The following ZNF76 variants were observed in gnomAD, a reference collection of about 807,000 sequenced individuals.
The protein encoded by ZNF76 is zinc finger protein 76.
Under a neutral mutation model 66.9 loss-of-function variants are expected in ZNF76, and 66 were observed. The ratio of observed to expected loss-of-function variants is 0.99; its 90% CI spans 0.81 to 1.21. ZNF76 has a LOEUF of 1.21. Ranked by LOEUF, ZNF76 falls within the 50% of genes most tolerant of loss-of-function variation. ZNF76 has a pLI of 0.00. For synonymous variants in ZNF76, 275 were observed against 296.1 expected, an observed-to-expected ratio of 0.93 and a Z score of 0.73; for missense variants, 729 against 760.3, an observed-to-expected ratio of 0.96 and a Z score of 0.48.
intron 1 of ZNF76, among the ~76,000 whole-genome samples, chr6:35,268,533 G>C (rs1194257332): frequency 2.0e-5 from 3 of 152,172 alleles, no homozygotes; most frequent in Admixed American, 2.0e-4. Flanking sequence ...GCCGGGTGTA[G>C]TGGCTCACAC....
At chr6:35,288,205 G>A (rs1037435610) in intron 5 of ZNF76, 4 of 479,020 alleles carry the variant, frequency 8.4e-6, no homozygotes, top group Non-Finnish European at 1.7e-5. Context: ...CACTAGCTGG[G>A]AAAGCCCTGC....
intron 1 of ZNF76, among the ~76,000 whole-genome samples, chr6:35,264,177 G>A (rs986077818): frequency 6.6e-5 from 10 of 152,196 alleles, no homozygotes; most frequent in Non-Finnish European, 1.3e-4. Flanking sequence ...AGCAGTTCAT[G>A]TCTACATTCA....
At chr6:35,290,101 A>G (rs1041979306) in intron 5 of ZNF76, among the ~76,000 whole-genome samples, 165 bp from the exon 6 acceptor site, 24 of 152,128 alleles carry the variant, frequency 1.6e-4, no homozygotes, top group African/African-American at 5.8e-4. Flanking sequence ...CTTCTGTAGC[A>G]TGCCCCAGCA....
At chr6:35,291,891 C>A in intron 9 of ZNF76, 154 bp downstream of exon 9, 1 of 809,788 alleles carries the variant, frequency 1.2e-6, no homozygotes, top group Non-Finnish European at 2.0e-6. Flanking sequence ...CCCAGAACAA[C>A]TCTGCTTGCA....
At chr6:35,282,462 A>G (rs1788920702) in intron 2 of ZNF76, among the ~76,000 whole-genome samples, 1 of 152,222 alleles carries the variant, frequency 6.6e-6, no homozygotes. Flanking sequence ...AGGTACTTAA[A>G]ATCAAGGTAG....
chr6:35,294,418 A>C, intron 12 of ZNF76, 38 bp from the exon 13 acceptor site: 9 of 1,325,298 alleles, frequency 6.8e-6, no homozygotes, highest in Non-Finnish European at 8.7e-6. Context: ...GGGAGAGTAT[A>C]CTGCAGGTGG....
At chr6:35,274,239 C>A (rs768609570) in intron 1 of ZNF76, among the ~76,000 whole-genome samples, 2 of 152,202 alleles carry the variant, frequency 1.3e-5, no homozygotes, top group East Asian at 1.9e-4. Context: ...ATTGAACATT[C>A]TTTTCAGGCA....
rs891599466 is a variant in ZNF76, at chr6:35,294,528, G to T, written c.1567G>T (p.Ala523Ser). Reference sequence around the variant, plus strand: ...AGCATCTCTTCGTCATCAACAGGTGGCACTGTTGGCCACAGCCAACGGAAC... The same window carrying T: ...AGCATCTCTTCGTCATCAACAGGTGTCACTGTTGGCCACAGCCAACGGAAC... ...SVASLRHQQV[A>S]LLATANGTHI... Residue 523 changes from alanine (A) to serine (S), a missense_variant, in exon 13 of 14, where the codon GCA becomes TCA. Ala to Ser is a moderately conservative substitution (Grantham distance 99, BLOSUM62 1). Transcript: ENST00000373953. 1 of 1,614,058 alleles carries T rather than the reference G, an allele frequency of 6.2e-7. No individual in the cohort carries two copies. Among genetic ancestry groups the T allele is most frequent in the East Asian group, 2.2e-5 (1 of 44,882 alleles).
rs372862207 is a variant in ZNF76 at position 35,291,686 on chromosome 6, C to T, written c.880C>T (p.Arg294Cys). The T allele has an allele frequency of 1.9e-5, 30 of 1,613,162 alleles. No individual in the cohort carries two copies. Among genetic ancestry groups the T allele is most frequent in the South Asian group, 5.5e-5 (5 of 91,086 alleles). ...CACCTGCCCGGAGCCCCACTGTGGC[C>T]GCGGCTTCACCAGCGCCACCAACTA... ...PYTCPEPHCGRGFTSATNYKN... is the reference protein window; with the variant it reads ...PYTCPEPHCGCGFTSATNYKN... Residue 294 changes from arginine to cysteine, a missense_variant, in exon 9 of 14, where the codon CGC (arginine) becomes TGC (cysteine). By Grantham distance (180) the Arg-to-Cys change is radical. Transcript: ENST00000373953.
chr6:35,274,207 A>G (rs1487690080), intron 1 of ZNF76, among the ~76,000 whole-genome samples: 1 of 152,256 alleles, frequency 6.6e-6, no homozygotes, highest in Non-Finnish European at 1.5e-5. Context: ...AGATTAAGTC[A>G]TAATTATTTT....
intron 1 of ZNF76, among the ~76,000 whole-genome samples, chr6:35,275,558 A>G (rs1309049396): frequency 6.6e-6 from 1 of 152,084 alleles, no homozygotes; most frequent in African/African-American, 2.4e-5. Flanking sequence ...AAAAATGGCA[A>G]TCAGGGCACT....
At chr6:35,286,455 G>C in intron 4 of ZNF76, 56 bp downstream of exon 4, 11 of 1,546,182 alleles carry the variant, frequency 7.1e-6, no homozygotes, top group Non-Finnish European at 9.8e-6. Flanking sequence ...CTGGAGGATG[G>C]GGTGGCAGGA....
In ZNF76 at chr6:35,280,591, T is replaced by C. The variant is rs1428195457; in HGVS notation, c.-96-465T>C. ...GGGATAGGGGATACTGGAAGTACAA[T>C]AGTTCTGGAAGGTTGGGACACATTG... On this transcript the variant is annotated intron_variant, in intron 1 of 13. Coordinates refer to ENST00000373953, the MANE Select transcript of ZNF76 (RefSeq NM_003427.5). Among the ~76,000 whole-genome samples the C allele has an allele frequency of 5.8e-5, 7 of 121,608 alleles. No homozygotes were observed. The South Asian group carries it at 2.0e-3, about 35-fold the overall frequency. 79.8% of individuals were successfully genotyped at this position (121,608 alleles called of 152,430 possible). A position where few individuals can be genotyped will look rare whatever the true frequency, so the allele number is the denominator to read the frequency against.
chr6:35,294,671 CA>C (rs1333015557), intron 13 of ZNF76, 102 bp downstream of exon 13: 2 of 816,364 alleles, frequency 2.4e-6, no homozygotes, highest in Non-Finnish European at 4.2e-6. Context: ...GCATCTGACT[CA>C]AAAAGAGCCC....
Position 35,295,226 on chromosome 6 carries a change from C to T in ZNF76, c.1691C>T (p.Thr564Ile). 6.2e-7 allele frequency: 1 copy of T among 1,608,724 alleles called. No homozygotes were observed. The highest frequency in any genetic ancestry group is 8.5e-7 in the Non-Finnish European group (1 of 1,177,726). ...MQQGAVTLET[T>I]VSESGC is the part of the protein sequence containing the mutation. Reference sequence around the variant, plus strand: ...CAAGGGGCTGTGACCCTGGAGACAACAGTGTCGGAGAGTGGCTGCTGAGTC... The same window carrying T: ...CAAGGGGCTGTGACCCTGGAGACAATAGTGTCGGAGAGTGGCTGCTGAGTC... Residue 564 changes from threonine to isoleucine, a missense_variant, in exon 14 of 14, where the codon ACA becomes ATA. Coordinates refer to ENST00000373953, the MANE Select transcript of ZNF76 (RefSeq NM_003427.5).
Position 35,294,623 on chromosome 6 carries a change from G to A in ZNF76, c.1608+54G>A, listed in dbSNP as rs1466323582. 1.5e-5 allele frequency: 18 copies of A among 1,216,606 alleles called. No individual in the cohort carries two copies. The Admixed American group carries it at 3.1e-4, about 21-fold the overall frequency. The allele number at this position is 1,216,606 out of a possible 1,614,324, so 75.4% of individuals were successfully genotyped here. On this transcript the variant is annotated intron_variant, in intron 13 of 13. Coordinates refer to ENST00000373953, the MANE Select transcript of ZNF76 (RefSeq NM_003427.5). ...TCCCACGGCCAGAGAAGTCAACAAG[G>A]AATAAAGGGGAATTAGATGAGGATC...
intron 1 of ZNF76, among the ~76,000 whole-genome samples, chr6:35,275,458 T>G (rs1331292402): frequency 1.3e-5 from 2 of 152,140 alleles, no homozygotes; most frequent in African/African-American, 4.8e-5. Flanking sequence ...TAACAAGCCT[T>G]TCTTTGGCTC....
At chr6:35,285,502 C>G (rs1789435169) in intron 2 of ZNF76, among the ~76,000 whole-genome samples, 1 of 152,120 alleles carries the variant, frequency 6.6e-6, no homozygotes, top group Non-Finnish European at 1.5e-5. Flanking sequence ...CTATAAGAGA[C>G]ACAGTTTTCA....
intron 13 of ZNF76, 176 bp from the exon 14 acceptor site, chr6:35,294,968 A>T: frequency 1.7e-6 from 1 of 604,666 alleles, no homozygotes. Flanking sequence ...TGCCTAGCCT[A>T]ATAGGACTCT....
Sources: allele counts gnomAD v4.1 joint callset (sites outside exome capture counted in the v4.1 genomes callset), GRCh38; gene constraint gnomAD v4.1.1; transcripts MANE v1.5; gene names NCBI Gene and HGNC (gene_info 2026-07-23, HGNC 2026-07-21).